The following CNTLN variants were observed in gnomAD, a reference collection of about 807,000 sequenced individuals.
The protein encoded by CNTLN is centlein, centrosomal protein.
A neutral mutation model predicts 180.0 loss-of-function variants in CNTLN; 212 were observed. That is an observed-to-expected ratio of 1.18 (90% confidence interval 1.05 to 1.32). The LOEUF (loss-of-function observed/expected upper bound fraction) is 1.32. CNTLN is among the 40% of genes most tolerant of loss of function. The pLI is 0.00. For synonymous variants in CNTLN, 722 were observed against 563.1 expected, an observed-to-expected ratio of 1.28 and a Z score of -3.99; for missense variants, 2,095 against 1,610.9, an observed-to-expected ratio of 1.30 and a Z score of -5.14.
chr9:17,275,938 C>T (rs1300967533), intron 6 of CNTLN, among the ~76,000 whole-genome samples: 1 of 151,918 alleles, frequency 6.6e-6, no homozygotes, highest in Non-Finnish European at 1.5e-5. Context: ...CATTGGGTAC[C>T]CATCGACATA....
intron 14 of CNTLN, among the ~76,000 whole-genome samples, chr9:17,391,443 G>A (rs1395170052): frequency 6.6e-6 from 1 of 152,142 alleles, no homozygotes; most frequent in African/African-American, 2.4e-5. Flanking sequence ...AGGAAGGCAG[G>A]AGATCTTGCT....
intron 23 of CNTLN, 139 bp from the exon 24 acceptor site, chr9:17,484,156 A>C: frequency 1.5e-6 from 1 of 671,922 alleles, no homozygotes. Flanking sequence ...AGAGCAATCC[A>C]CTATATTCCA....
chr9:17,477,842 G>A (rs376400880), intron 23 of CNTLN, among the ~76,000 whole-genome samples: 31 of 152,322 alleles, frequency 2.0e-4, no homozygotes, highest in African/African-American at 6.7e-4. Flanking sequence ...TAAAGCAGTG[G>A]CAGGGTTTGA....
chr9:17,348,116 C>T (rs1432938720), intron 12 of CNTLN, among the ~76,000 whole-genome samples: 4 of 152,100 alleles, frequency 2.6e-5, no homozygotes, highest in South Asian at 2.1e-4. Context: ...CAGGCATGAG[C>T]CACTGCGCCC....
intron 18 of CNTLN, among the ~76,000 whole-genome samples, chr9:17,441,146 C>G (rs767723543): frequency 2.0e-5 from 3 of 152,192 alleles, no homozygotes; most frequent in Non-Finnish European, 2.9e-5. Context: ...GTGAAAGAGA[C>G]TTTCCCAGAC....
intron 2 of CNTLN, among the ~76,000 whole-genome samples, chr9:17,183,881 A>G (rs899023808): frequency 1.3e-5 from 2 of 152,092 alleles, no homozygotes; most frequent in African/African-American, 4.8e-5. Flanking sequence ...TTCCTTTAAT[A>G]TTCAGATATA....
chr9:17,307,601 A>T (rs1298613752), intron 7 of CNTLN, among the ~76,000 whole-genome samples: 1 of 152,098 alleles, frequency 6.6e-6, no homozygotes, highest in African/African-American at 2.4e-5. Flanking sequence ...TAAAAGATAA[A>T]AGGTATATTG....
At chr9:17,494,236 C>G (rs951560628) in intron 25 of CNTLN, among the ~76,000 whole-genome samples, 9 of 152,076 alleles carry the variant, frequency 5.9e-5, no homozygotes, top group Non-Finnish European at 1.2e-4. Flanking sequence ...ACTAGTCTCC[C>G]CAGAAGATGC....
At chr9:17,283,237 A>G (rs1432854436) in intron 6 of CNTLN, among the ~76,000 whole-genome samples, 1 of 151,872 alleles carries the variant, frequency 6.6e-6, no homozygotes, top group East Asian at 1.9e-4. Context: ...ATGTTTTTTC[A>G]TTTGTTTTTG....
chr9:17,484,255 G>A, intron 23 of CNTLN, 40 bp from the exon 24 acceptor site: 1 of 1,470,606 alleles, frequency 6.8e-7, no homozygotes, highest in African/African-American at 1.4e-5. Flanking sequence ...TCTTCATTAT[G>A]ACTTTAATAT....
At chr9:17,248,166 AT>A (rs1377047543) in intron 5 of CNTLN, among the ~76,000 whole-genome samples, 33 of 152,012 alleles carry the variant, frequency 2.2e-4, no homozygotes, top group Non-Finnish European at 1.5e-5. Flanking sequence ...CTATTAATTG[AT>A]TTTTTTGATG....
chr9:17,509,546 A>C, the CNTLN span, among the ~76,000 whole-genome samples: 4 of 152,256 alleles, frequency 2.6e-5, no homozygotes, highest in East Asian at 7.7e-4. Context: ...ATCCTAAATC[A>C]GCTGGTTTGA....
At chr9:17,360,170 C>T (rs536884281) in intron 12 of CNTLN, among the ~76,000 whole-genome samples, 9 of 152,076 alleles carry the variant, frequency 5.9e-5, no homozygotes, top group African/African-American at 1.9e-4. Context: ...CCTAGTTCCT[C>T]TTGGATTCTT....
At chr9:17,266,412 A>G (rs1827448852) in intron 5 of CNTLN, among the ~76,000 whole-genome samples, 3 of 152,190 alleles carry the variant, frequency 2.0e-5, no homozygotes, top group South Asian at 4.1e-4. Flanking sequence ...ACAGTTTGTT[A>G]TAATTTCTGT....
In CNTLN at chr9:17,135,193, G is replaced by C; in HGVS notation, c.128G>C (p.Gly43Ala). 6.2e-7 allele frequency: 1 copy of C among 1,610,662 alleles called. No individual in the cohort carries two copies. The highest frequency in any genetic ancestry group is 8.5e-7 in the Non-Finnish European group (1 of 1,178,934). ...CGCAGCGAGGCCTCGGGTTTTGCCG[G>C]CGCAGCGCGGGAGGTGGTCGCGGAC... ...AMRSEASGFA[G>A]AAREVVADES... The change falls in exon 1 of 26, where the codon GGC becomes GCC. Residue 43 changes from glycine (G) to alanine (A), a missense_variant. Physicochemically the swap from Gly to Ala is moderately conservative, Grantham distance 60. Coordinates refer to ENST00000380647, the MANE Select transcript of CNTLN (RefSeq NM_017738.4).
At chr9:17,285,346 A>G (rs1441929328) in intron 6 of CNTLN, among the ~76,000 whole-genome samples, 122 of 148,736 alleles carry the variant, frequency 8.2e-4, no homozygotes, top group Non-Finnish European at 1.4e-3. Context: ...ATCATTTTTT[A>G]TGGCTGCATA....
intron 3 of CNTLN, among the ~76,000 whole-genome samples, chr9:17,230,400 A>G (rs995164189): frequency 1.1e-4 from 16 of 149,324 alleles, no homozygotes; most frequent in African/African-American, 3.5e-4. Flanking sequence ...GTGTTGGGGG[A>G]GGAGAGGAAG....
chr9:17,232,552 A>G (rs1161649562), intron 3 of CNTLN, among the ~76,000 whole-genome samples: 1 of 152,012 alleles, frequency 6.6e-6, no homozygotes, highest in East Asian at 1.9e-4. Context: ...AGTTTAACTA[A>G]TTTCAGAATA....
At chr9:17,432,708 C>G (rs1056120277) in intron 18 of CNTLN, among the ~76,000 whole-genome samples, 6 of 152,026 alleles carry the variant, frequency 3.9e-5, no homozygotes, top group Non-Finnish European at 4.4e-5. Flanking sequence ...ATTCTATTCT[C>G]TGTTAAAATA....
Sources: gnomAD v4.1 joint callset for allele counts (sites outside exome capture counted in the v4.1 genomes callset) on GRCh38, gnomAD v4.1.1 for gene constraint, MANE v1.5 for transcripts, NCBI Gene and HGNC (gene_info 2026-07-23, HGNC 2026-07-21) for gene names.